The following CDKAL1 variants were observed in gnomAD, a reference collection of about 807,000 sequenced individuals.
CDKAL1 encodes CDKAL1 threonylcarbamoyladenosine tRNA methylthiotransferase, also known as threonylcarbamoyladenosine tRNA methylthiotransferase.
In CDKAL1, 32 loss-of-function variants were observed where a neutral mutation model predicts 68.2. The ratio of observed to expected loss-of-function variants is 0.47; its 90% CI spans 0.35 to 0.63. The LOEUF (loss-of-function observed/expected upper bound fraction) is 0.63. CDKAL1 is among the 30% of genes least tolerant of loss of function. CDKAL1 has a pLI of 0.00. For synonymous variants in CDKAL1, 234 were observed against 244.3 expected (o/e 0.96, Z 0.39); for missense variants, 606 against 696.7 (o/e 0.87, Z 1.47).
intron 6 of CDKAL1, among the ~76,000 whole-genome samples, chr6:20,748,944 C>CATGTATGTGTATATATATATGTAT (rs1432425804): frequency 7.2e-6 from 1 of 138,036 alleles, no homozygotes; most frequent in South Asian, 2.2e-4. Context: ...AAGTACTTTG[C>CATGTATGTGTATATATATATGTAT]ATGTATGTGT....
At chr6:20,906,382 G>C (rs184794248) in intron 9 of CDKAL1, among the ~76,000 whole-genome samples, 28 of 152,158 alleles carry the variant, frequency 1.8e-4, no homozygotes, top group Admixed American at 1.7e-3. Context: ...ATCCAAATTA[G>C]AGTGCTATAA....
chr6:20,957,381 T>G (rs1032750658), intron 10 of CDKAL1, among the ~76,000 whole-genome samples: 4 of 152,214 alleles, frequency 2.6e-5, no homozygotes, highest in African/African-American at 9.6e-5. Flanking sequence ...CAAATCCTAG[T>G]GCTCAGCACC....
chr6:21,184,601 A>G (rs1415632235), intron 13 of CDKAL1, among the ~76,000 whole-genome samples: 2 of 152,152 alleles, frequency 1.3e-5, no homozygotes, highest in African/African-American at 4.8e-5. Flanking sequence ...GCAAAGTATC[A>G]TAGCATTAAA....
chr6:20,684,028 G>A (rs535794582), intron 5 of CDKAL1, among the ~76,000 whole-genome samples: 24 of 152,040 alleles, frequency 1.6e-4, no homozygotes, highest in African/African-American at 2.9e-4. Context: ...ATATCTTTTC[G>A]CGTCTTGATG....
chr6:20,873,299 A>G (rs1435257931), intron 9 of CDKAL1, among the ~76,000 whole-genome samples: 1 of 152,186 alleles, frequency 6.6e-6, no homozygotes, highest in East Asian at 1.9e-4. Flanking sequence ...TCAAAAATGT[A>G]GATTTGGGAA....
intron 5 of CDKAL1, among the ~76,000 whole-genome samples, chr6:20,722,089 A>T (rs563980689): frequency 4.1e-4 from 63 of 152,202 alleles, no homozygotes; most frequent in African/African-American, 1.5e-3. Flanking sequence ...TGTGGCCTCA[A>T]CTTACTTGCA....
intron 13 of CDKAL1, among the ~76,000 whole-genome samples, chr6:21,192,356 T>C (rs1582391448): frequency 6.6e-6 from 1 of 152,170 alleles, no homozygotes; most frequent in African/African-American, 2.4e-5. Flanking sequence ...TTAAATAACG[T>C]TAAAATGATG....
chr6:20,848,551 T>C (rs1681443685), intron 9 of CDKAL1, among the ~76,000 whole-genome samples: 1 of 152,184 alleles, frequency 6.6e-6, no homozygotes, highest in Admixed American at 6.5e-5. Flanking sequence ...ATTCAAATAA[T>C]GTATCAGAGG....
At chr6:20,702,938 C>T (rs1397117764) in intron 5 of CDKAL1, among the ~76,000 whole-genome samples, 1 of 152,162 alleles carries the variant, frequency 6.6e-6, no homozygotes, top group Non-Finnish European at 1.5e-5. Context: ...ACTCCCGTAT[C>T]ACTAGGGTCT....
At chr6:21,090,674 G>C (rs1311193126) in intron 12 of CDKAL1, among the ~76,000 whole-genome samples, 1 of 151,740 alleles carries the variant, frequency 6.6e-6, no homozygotes, top group Non-Finnish European at 1.5e-5. Context: ...ATTTGTTCAG[G>C]GAATACTGTT....
intron 13 of CDKAL1, among the ~76,000 whole-genome samples, chr6:21,184,928 A>G (rs2151090275): frequency 1.3e-5 from 2 of 150,952 alleles, no homozygotes; most frequent in South Asian, 4.2e-4. Flanking sequence ...CAACCTCCCA[A>G]AGTGCTAGGA....
intron 14 of CDKAL1, among the ~76,000 whole-genome samples, chr6:21,198,673 T>G (rs1306073693): frequency 6.6e-6 from 1 of 152,236 alleles, no homozygotes; most frequent in Non-Finnish European, 1.5e-5. Flanking sequence ...TGAACAACTG[T>G]GCAGACCAGT....
chr6:20,788,705 C>T (rs192535191), intron 8 of CDKAL1, among the ~76,000 whole-genome samples: 1 of 152,292 alleles, frequency 6.6e-6, no homozygotes, highest in East Asian at 1.9e-4. Context: ...GCTGTATCTT[C>T]TACTCTACCG....
chr6:20,618,685 G>GTT (rs753991642), intron 4 of CDKAL1, among the ~76,000 whole-genome samples: 1 of 147,282 alleles, frequency 6.8e-6, no homozygotes, highest in Admixed American at 6.8e-5. Context: ...AATTCTTTTC[G>GTT]TTTTTTTTTT....
chr6:21,152,845 G>A (rs538824452), intron 13 of CDKAL1, among the ~76,000 whole-genome samples: 7 of 152,272 alleles, frequency 4.6e-5, no homozygotes, highest in Non-Finnish European at 7.4e-5. Context: ...CATGTACTAC[G>A]CAGATCCAAG....
intron 9 of CDKAL1, among the ~76,000 whole-genome samples, chr6:20,909,393 C>T (rs1378321690): frequency 2.0e-5 from 3 of 152,044 alleles, no homozygotes; most frequent in Non-Finnish European, 4.4e-5. Context: ...AGCATCTTTT[C>T]GAATTAATCC....
intron 11 of CDKAL1, among the ~76,000 whole-genome samples, chr6:21,012,394 G>A (rs1462066980): frequency 1.3e-5 from 2 of 152,128 alleles, no homozygotes; most frequent in African/African-American, 4.8e-5. Context: ...AAGAGAGAGA[G>A]CCCCAGTCCC....
chr6:20,785,971 A>G (rs908148539), intron 8 of CDKAL1, among the ~76,000 whole-genome samples: 2 of 152,218 alleles, frequency 1.3e-5, no homozygotes, highest in African/African-American at 4.8e-5. Context: ...CTGTAATCCC[A>G]GCACTTTGGG....
chr6:21,087,124 T>G lies in CDKAL1; in HGVS notation c.1237-21277T>G, dbSNP rs530959876. 1.2e-3 allele frequency among the ~76,000 whole-genome samples: 184 copies of G among 152,292 alleles called. 3 individuals are homozygous for G. The South Asian group carries it at 0.036, about 30-fold the overall frequency. On this transcript the variant is annotated intron_variant, in intron 12 of 15. Coordinates refer to ENST00000274695, the MANE Select transcript of CDKAL1 (RefSeq NM_017774.3). ...CTAAGACAACAATGCATAAACTGCC[T>G]GAAATTGTGAGCAAGCTTTGTGCCC... is the stretch of plus-strand genomic sequence containing the variant.
Sources: gnomAD v4.1 joint callset for allele counts (sites outside exome capture counted in the v4.1 genomes callset) on GRCh38, gnomAD v4.1.1 for gene constraint, MANE v1.5 for transcripts, NCBI Gene and HGNC (gene_info 2026-07-23, HGNC 2026-07-21) for gene names.